The following MECOM variants were observed in gnomAD, a reference collection of about 807,000 sequenced individuals.
MECOM encodes the protein histone-lysine N-methyltransferase MECOM.
Under a neutral mutation model 116.3 loss-of-function variants are expected in MECOM, and 13 were observed. That is an observed-to-expected ratio of 0.11 (90% CI 0.07 to 0.18). MECOM has a LOEUF of 0.18. MECOM is among the 10% of genes least tolerant of loss of function. The pLI, the probability that MECOM is intolerant of heterozygous loss-of-function variation, is 1.00. For missense variants in MECOM, 1,299 were observed against 1,509.0 expected (o/e 0.86, Z 2.31); for synonymous variants, 528 against 535.2 (o/e 0.99, Z 0.19).
intron 1 of MECOM, among the ~76,000 whole-genome samples, chr3:169,624,703 T>C (rs78141025): frequency 0.019 from 2,872 of 152,264 alleles, 44 homozygotes; most frequent in Non-Finnish European, 0.029. Flanking sequence ...GGCCTGGTCA[T>C]TGTTATTCAC....
chr3:169,568,160 C>T (rs557480659), intron 1 of MECOM, among the ~76,000 whole-genome samples: 4 of 152,058 alleles, frequency 2.6e-5, no homozygotes, highest in Non-Finnish European at 5.9e-5. Flanking sequence ...CATGAGGGAC[C>T]CTGCCATGAG....
intron 1 of MECOM, among the ~76,000 whole-genome samples, chr3:169,566,843 T>C (rs980412776): frequency 5.3e-5 from 8 of 152,270 alleles, no homozygotes; most frequent in African/African-American, 1.7e-4. Flanking sequence ...GCATTCCACC[T>C]TGGGAACAAC....
intron 1 of MECOM, among the ~76,000 whole-genome samples, chr3:169,514,992 G>T (rs1333987111): frequency 6.6e-6 from 1 of 152,162 alleles, no homozygotes; most frequent in Non-Finnish European, 1.5e-5. Flanking sequence ...GGATAATTCT[G>T]CATTAAAAGA....
intron 1 of MECOM, among the ~76,000 whole-genome samples, chr3:169,597,918 T>C (rs1767328918): frequency 6.6e-6 from 1 of 152,236 alleles, no homozygotes; most frequent in African/African-American, 2.4e-5. Flanking sequence ...GGTGGTCCAC[T>C]GTTTATTCAA....
chr3:169,294,103 T>A (rs557945061), intron 2 of MECOM, among the ~76,000 whole-genome samples: 6 of 152,346 alleles, frequency 3.9e-5, no homozygotes, highest in African/African-American at 1.4e-4. Context: ...AGTGATTTTA[T>A]TGGTTTATCA....
At chr3:169,134,069 G>C in intron 3 of MECOM, 1 of 599,040 alleles carries the variant, frequency 1.7e-6, no homozygotes, top group Non-Finnish European at 2.6e-6. Context: ...CAGTGCAATT[G>C]TCTCTATTGG....
intron 2 of MECOM, among the ~76,000 whole-genome samples, chr3:169,239,979 C>A (rs185374998): frequency 6.6e-6 from 1 of 152,138 alleles, no homozygotes; most frequent in East Asian, 1.9e-4. Context: ...TAATTCTAAA[C>A]GAGCAATTTG....
At chr3:169,146,525 C>G (rs1323136933) in intron 2 of MECOM, 1 of 1,378,878 alleles carries the variant, frequency 7.3e-7, no homozygotes, top group South Asian at 1.1e-5. Context: ...CGCACCGTTT[C>G]GCAGGAGGAA....
intron 1 of MECOM, among the ~76,000 whole-genome samples, chr3:169,638,636 G>A (rs912446471): frequency 1.3e-5 from 2 of 152,172 alleles, no homozygotes; most frequent in African/African-American, 4.8e-5. Context: ...TCACACATCT[G>A]CTTCAGCACA....
In MECOM at chr3:169,115,543, T is replaced by A. The variant is rs1200134036; in HGVS notation, c.2329A>T (p.Met777Leu). ...CCACTGGCTCTACTCCTACTGCCCA[T>A]ACTTAGATCCAGGGGCTGGTCTTGG... The part of the protein sequence containing the change: ...TSQDQPLDLS[M>L]GSRSRASGTK... The change falls in exon 8 of 17, where the codon ATG becomes TTG. Residue 777 changes from methionine to leucine, a missense_variant. Met to Leu is a conservative substitution (Grantham distance 15, BLOSUM62 2). Coordinates refer to ENST00000651503, the MANE Select transcript of MECOM (RefSeq NM_004991.4). 3 of 1,614,138 alleles carry A rather than the reference T, an allele frequency of 1.9e-6. No homozygotes were observed. Among genetic ancestry groups the A allele is most frequent in the Non-Finnish European group, 2.5e-6 (3 of 1,180,022 alleles).
chr3:169,589,277 C>T (rs938374572), intron 1 of MECOM, among the ~76,000 whole-genome samples: 6 of 151,646 alleles, frequency 4.0e-5, no homozygotes, highest in Admixed American at 2.6e-4. Flanking sequence ...CTAGGCTGTC[C>T]GCTTCCCACA....
intron 1 of MECOM, among the ~76,000 whole-genome samples, chr3:169,625,213 G>T (rs1198313781): frequency 6.6e-6 from 1 of 152,028 alleles, no homozygotes; most frequent in East Asian, 1.9e-4. Flanking sequence ...GAAGAACAAT[G>T]ATTTGCTTAG....
At chr3:169,391,060 C>T (rs1245000344) in intron 1 of MECOM, among the ~76,000 whole-genome samples, 1 of 152,138 alleles carries the variant, frequency 6.6e-6, no homozygotes, top group African/African-American at 2.4e-5. Flanking sequence ...AGCTTTCTTA[C>T]AGCCAGGAGT....
At chr3:169,610,498 CGTGTGTGTGTGTGT>C (rs3045470) in intron 1 of MECOM, among the ~76,000 whole-genome samples, 1 of 128,708 alleles carries the variant, frequency 7.8e-6, no homozygotes, top group Non-Finnish European at 1.7e-5. Context: ...TGTAATGTTA[CGTGTGTGTGTGTGT>C]GTGTGTGTGT....
chr3:169,457,962 T>C (rs1451982825), intron 1 of MECOM, among the ~76,000 whole-genome samples: 1 of 152,224 alleles, frequency 6.6e-6, no homozygotes, highest in African/African-American at 2.4e-5. Flanking sequence ...CTAATTGATT[T>C]ATTACCTGCC....
chr3:169,420,800 A>G (rs1739592351), intron 1 of MECOM, among the ~76,000 whole-genome samples: 1 of 152,190 alleles, frequency 6.6e-6, no homozygotes, highest in Non-Finnish European at 1.5e-5. Context: ...GATGGTCACT[A>G]AAGTGTTATT....
chr3:169,657,227 A>G (rs1775643266), intron 1 of MECOM, among the ~76,000 whole-genome samples: 1 of 152,230 alleles, frequency 6.6e-6, no homozygotes, highest in Admixed American at 6.5e-5. Context: ...CTCCCTTTAG[A>G]CGCAGTTAAT....
intron 2 of MECOM, among the ~76,000 whole-genome samples, chr3:169,183,694 A>G (rs888452774): frequency 6.6e-6 from 1 of 150,430 alleles, no homozygotes; most frequent in African/African-American, 2.4e-5. Context: ...CCTTCCAAGA[A>G]GGCAGGGAGA....
At chr3:169,329,759 C>G (rs1243446036) in intron 2 of MECOM, among the ~76,000 whole-genome samples, 1 of 152,048 alleles carries the variant, frequency 6.6e-6, no homozygotes, top group Non-Finnish European at 1.5e-5. Flanking sequence ...ATTCTGGATA[C>G]AGGGGAAACT....
Sources: gnomAD v4.1 joint callset for allele counts (sites outside exome capture counted in the v4.1 genomes callset) on GRCh38, gnomAD v4.1.1 for gene constraint, MANE v1.5 for transcripts, NCBI Gene and HGNC (gene_info 2026-07-23, HGNC 2026-07-21) for gene names.